The following SKAP1 variants were observed in gnomAD, a reference collection of about 807,000 sequenced individuals.
SKAP1 encodes the protein src kinase-associated phosphoprotein 1.
SKAP1 carries 44 observed loss-of-function variants against 58.5 expected under a neutral mutation model. That is an observed-to-expected ratio of 0.75 (90% CI 0.59 to 0.97). The LOEUF (loss-of-function observed/expected upper bound fraction) is 0.97, where lower values mean the gene tolerates loss of function less well. Among genes scored for constraint, SKAP1 ranks in the 50% least tolerant of loss-of-function variants. SKAP1 has a pLI of 0.00. For missense variants in SKAP1, 390 were observed against 435.2 expected, an observed-to-expected ratio of 0.90 and a Z score of 0.92; for synonymous variants, 127 against 149.7, an observed-to-expected ratio of 0.85 and a Z score of 1.11.
intron 11 of SKAP1, among the ~76,000 whole-genome samples, chr17:48,137,591 C>T (rs1171805998): frequency 6.6e-6 from 1 of 152,158 alleles, no homozygotes; most frequent in East Asian, 1.9e-4. Flanking sequence ...ACCTGAAGAG[C>T]ATTTTTTTTT....
chr17:48,231,471 G>A (rs149724395), intron 4 of SKAP1, among the ~76,000 whole-genome samples: 81 of 152,222 alleles, frequency 5.3e-4, no homozygotes, highest in African/African-American at 1.8e-3. Context: ...GGCATAGTTT[G>A]AGGAAGGGTA....
At chr17:48,420,772 C>T (rs2067783942) in intron 1 of SKAP1, among the ~76,000 whole-genome samples, 1 of 152,194 alleles carries the variant, frequency 6.6e-6, no homozygotes, top group Admixed American at 6.5e-5. Flanking sequence ...CAGGGCTTCT[C>T]AACCTCAGCA....
At chr17:48,298,443 A>G (rs1022200348) in intron 4 of SKAP1, among the ~76,000 whole-genome samples, 1 of 152,244 alleles carries the variant, frequency 6.6e-6, no homozygotes, top group Non-Finnish European at 1.5e-5. Flanking sequence ...CAGGAATCCA[A>G]GAGTTTAGAA....
chr17:48,269,952 A>G (rs1412496861), intron 4 of SKAP1, among the ~76,000 whole-genome samples: 1 of 152,114 alleles, frequency 6.6e-6, no homozygotes, highest in African/African-American at 2.4e-5. Context: ...GTCTCTACTA[A>G]AAATACAAGA....
chr17:48,230,663 G>A (rs1396149499), intron 4 of SKAP1, among the ~76,000 whole-genome samples: 2 of 152,108 alleles, frequency 1.3e-5, no homozygotes, highest in African/African-American at 4.8e-5. Flanking sequence ...GGCTGAGGTG[G>A]GAGGATCCCC....
rs1306812502 is a variant in SKAP1 at position 48,162,710 on chromosome 17, C to A, written c.878-141G>T. 2.5e-5 allele frequency: 15 copies of A among 591,202 alleles called. No individual in the cohort carries two copies. In the Admixed American group the frequency reaches 3.9e-4, roughly 15 times the overall value. 36.6% of individuals were successfully genotyped at this position (591,202 alleles called of 1,614,324 possible). ...TAAGGGGAGTTGAGATGAGATACAG[C>A]CAAACACTCAGCATGAGCAAAGGAC... On this transcript the variant is annotated intron_variant, in intron 10 of 12. Coordinates refer to ENST00000336915, the MANE Select transcript of SKAP1 (RefSeq NM_003726.4).
intron 4 of SKAP1, among the ~76,000 whole-genome samples, chr17:48,278,856 A>G (rs2065733974): frequency 6.6e-6 from 1 of 152,138 alleles, no homozygotes; most frequent in Admixed American, 6.5e-5. Context: ...AAAGACATCC[A>G]TGTGTTACTA....
chr17:48,399,933 C>A (rs1192217106), intron 1 of SKAP1, among the ~76,000 whole-genome samples: 1 of 151,972 alleles, frequency 6.6e-6, no homozygotes, highest in Admixed American at 6.6e-5. Context: ...AAAAAGCATT[C>A]AAACTGGAAA....
chr17:48,142,467 A>C (rs2063780069), intron 11 of SKAP1, among the ~76,000 whole-genome samples: 1 of 152,206 alleles, frequency 6.6e-6, no homozygotes, highest in Non-Finnish European at 1.5e-5. Flanking sequence ...CATCTCAAAT[A>C]AAAACAAAAC....
chr17:48,355,106 C>T (rs1229704037), intron 3 of SKAP1, among the ~76,000 whole-genome samples: 1 of 152,146 alleles, frequency 6.6e-6, no homozygotes, highest in African/African-American at 2.4e-5. Flanking sequence ...GCTAATCAAA[C>T]AAACTTAAAG....
At chr17:48,306,558 C>T (rs758250267) in intron 4 of SKAP1, among the ~76,000 whole-genome samples, 18 of 152,096 alleles carry the variant, frequency 1.2e-4, no homozygotes, top group Admixed American at 8.5e-4. Context: ...TATCTTGCAA[C>T]AAAACTGTAA....
At chr17:48,205,325 G>A (rs979394470) in intron 4 of SKAP1, among the ~76,000 whole-genome samples, 4 of 151,900 alleles carry the variant, frequency 2.6e-5, no homozygotes, top group Admixed American at 1.3e-4. Context: ...TGCCCAGGCT[G>A]GTCTAGAACT....
intron 4 of SKAP1, among the ~76,000 whole-genome samples, chr17:48,222,172 C>T (rs767960516): frequency 1.2e-4 from 19 of 152,216 alleles, no homozygotes; most frequent in Admixed American, 3.3e-4. Context: ...CCACAAAGAG[C>T]CTAAGCGTAG....
At chr17:48,382,190 A>G (rs2067223238) in intron 2 of SKAP1, among the ~76,000 whole-genome samples, 1 of 152,056 alleles carries the variant, frequency 6.6e-6, no homozygotes, top group South Asian at 2.1e-4. Context: ...TTAAAAAAAA[A>G]AAAAAACCCA....
intron 4 of SKAP1, among the ~76,000 whole-genome samples, chr17:48,201,164 T>C (rs2064722760): frequency 1.3e-5 from 2 of 152,030 alleles, no homozygotes; most frequent in Non-Finnish European, 2.9e-5. Flanking sequence ...ATCACAGCGC[T>C]GAGAATGAAA....
intron 4 of SKAP1, among the ~76,000 whole-genome samples, chr17:48,300,281 A>C (rs1368274970): frequency 1.3e-5 from 2 of 152,154 alleles, no homozygotes; most frequent in African/African-American, 4.8e-5. Flanking sequence ...TCTCCACCCC[A>C]TATCTTCAAG....
intron 1 of SKAP1, among the ~76,000 whole-genome samples, chr17:48,411,838 C>T (rs1156715566): frequency 6.6e-6 from 1 of 152,088 alleles, no homozygotes; most frequent in Non-Finnish European, 1.5e-5. Context: ...CTGTCAAGGT[C>T]CTCAAAAACA....
the SKAP1 span, among the ~76,000 whole-genome samples, chr17:48,442,566 TTCTTGG>T: frequency 6.6e-6 from 1 of 152,142 alleles, no homozygotes; most frequent in Non-Finnish European, 1.5e-5. Flanking sequence ...ACTTGTCCCC[TTCTTGG>T]CCAAGTCACC....
chr17:48,173,541 A>T (rs770462736), intron 9 of SKAP1, among the ~76,000 whole-genome samples: 1 of 152,230 alleles, frequency 6.6e-6, no homozygotes, highest in Non-Finnish European at 1.5e-5. Flanking sequence ...GAAACATTAG[A>T]GGAAAAGTTG....
Sources: gnomAD v4.1 joint callset for allele counts (sites outside exome capture counted in the v4.1 genomes callset) on GRCh38, gnomAD v4.1.1 for gene constraint, MANE v1.5 for transcripts, NCBI Gene and HGNC (gene_info 2026-07-23, HGNC 2026-07-21) for gene names.